RGL1: variants seen among roughly 807,000 people sequenced by gnomAD.
The protein encoded by RGL1 is ral guanine nucleotide dissociation stimulator like 1, also known as ral guanine nucleotide dissociation stimulator-like 1.
A neutral mutation model predicts 95.2 loss-of-function variants in RGL1; 24 were observed. The ratio of observed to expected loss-of-function variants is 0.25; its 90% CI spans 0.18 to 0.35. The LOEUF (loss-of-function observed/expected upper bound fraction) is 0.35, where lower values mean the gene tolerates loss of function less well. Ranked by LOEUF, RGL1 falls within the 10% of genes least tolerant of loss-of-function variation. The pLI is 1.00. For synonymous variants in RGL1, 329 were observed against 344.9 expected (o/e 0.95, Z 0.51); for missense variants, 715 against 936.3 (o/e 0.76, Z 3.08).
chr1:183,834,433 G>A (rs562685944), intron 2 of RGL1, among the ~76,000 whole-genome samples: 15 of 152,086 alleles, frequency 9.9e-5, no homozygotes, highest in African/African-American at 3.4e-4. Context: ...CTAAGGTTGC[G>A]AGAGGCCTTA....
rs149450683 is a variant in RGL1, at chr1:183,908,919, G to A, written c.1562+1818G>A. Among the ~76,000 whole-genome samples the A allele has an allele frequency of 2.8e-3, 429 of 152,314 alleles. 4 individuals are homozygous for A. Among genetic ancestry groups the A allele is most frequent in the Admixed American group, 3.9e-3 (60 of 15,312 alleles). ...TCCTCTCCAAGCCCGGGATCTATAT[G>A]TTTTGTGGTGGGAGTTCTAATACCC... On this transcript the variant is annotated intron_variant, in intron 14 of 17. Coordinates refer to ENST00000360851, the MANE Select transcript of RGL1 (RefSeq NM_001297671.3).
chr1:183,768,447 T>C (rs1287423592), intron 2 of RGL1, among the ~76,000 whole-genome samples: 2 of 147,002 alleles, frequency 1.4e-5, no homozygotes, highest in Non-Finnish European at 3.0e-5. Flanking sequence ...TAATTTGAAC[T>C]AACCTTTAGA....
At chr1:183,777,083 A>C (rs1220772479) in intron 2 of RGL1, among the ~76,000 whole-genome samples, 1 of 152,220 alleles carries the variant, frequency 6.6e-6, no homozygotes, top group Non-Finnish European at 1.5e-5. Context: ...AGCTGTCCTG[A>C]GCCAAAGTGT....
At chr1:183,681,826 A>T (rs1301528120) in intron 1 of RGL1, among the ~76,000 whole-genome samples, 1 of 152,128 alleles carries the variant, frequency 6.6e-6, no homozygotes, top group East Asian at 1.9e-4. Flanking sequence ...TGGTTGGTAG[A>T]CTATTAATTA....
chr1:183,878,146 TTCTTTCTATCTA>T (rs1329297417), intron 4 of RGL1, among the ~76,000 whole-genome samples: 2,128 of 97,364 alleles, frequency 0.022, 25 homozygotes, highest in Non-Finnish European at 0.029. Flanking sequence ...CATGTTGATT[TTCTTTCTATCTA>T]TCTATCTATC....
chr1:183,704,226 C>T (rs1206063367), intron 1 of RGL1, among the ~76,000 whole-genome samples: 5 of 152,294 alleles, frequency 3.3e-5, no homozygotes, highest in East Asian at 3.9e-4. Flanking sequence ...CTGTGGGAGC[C>T]TGGCAGCTTG....
At chr1:183,743,382 A>G (rs1332160042) in intron 2 of RGL1, among the ~76,000 whole-genome samples, 1 of 152,214 alleles carries the variant, frequency 6.6e-6, no homozygotes, top group East Asian at 1.9e-4. Context: ...AACAACTAAG[A>G]TAGCATAGAA....
chr1:183,912,344 C>G, intron 15 of RGL1, 76 bp downstream of exon 15: 1 of 1,239,002 alleles, frequency 8.1e-7, no homozygotes. Context: ...CAAGGAATGT[C>G]TGTTTTTAAG....
chr1:183,702,809 C>T (rs1654680815), intron 1 of RGL1, among the ~76,000 whole-genome samples: 1 of 152,204 alleles, frequency 6.6e-6, no homozygotes, highest in Non-Finnish European at 1.5e-5. Context: ...CCTGAAAGCG[C>T]ACCAACGAAC....
intron 1 of RGL1, among the ~76,000 whole-genome samples, chr1:183,669,059 C>T (rs757954154): frequency 1.3e-5 from 2 of 151,518 alleles, no homozygotes; most frequent in Admixed American, 6.6e-5. Context: ...TCTCCTGCCT[C>T]AGTCTCCCAA....
chr1:183,837,874 G>A (rs1002088995), intron 2 of RGL1, among the ~76,000 whole-genome samples: 4 of 152,112 alleles, frequency 2.6e-5, no homozygotes, highest in Non-Finnish European at 4.4e-5. Context: ...TAGGTCCCTC[G>A]CATGTGCAGT....
intron 14 of RGL1, among the ~76,000 whole-genome samples, chr1:183,911,871 A>C (rs764483665): frequency 8.5e-5 from 13 of 152,240 alleles, no homozygotes; most frequent in Non-Finnish European, 1.9e-4. Context: ...TGAATAATCT[A>C]TGTGTTCTTT....
intron 1 of RGL1, among the ~76,000 whole-genome samples, chr1:183,658,094 G>A (rs1050408009): frequency 5.3e-5 from 8 of 152,202 alleles, no homozygotes; most frequent in Admixed American, 3.9e-4. Context: ...TGGCCGAATA[G>A]GAACAGCTCC....
intron 1 of RGL1, among the ~76,000 whole-genome samples, chr1:183,674,223 A>T (rs370901895): frequency 6.6e-6 from 1 of 152,238 alleles, no homozygotes. Flanking sequence ...CTAACTTTAT[A>T]TGTCATTAAA....
intron 1 of RGL1, among the ~76,000 whole-genome samples, chr1:183,715,418 A>T (rs1289769511): frequency 6.6e-6 from 1 of 152,138 alleles, no homozygotes; most frequent in East Asian, 1.9e-4. Flanking sequence ...ACTGATTGTT[A>T]TATAGATTTT....
chr1:183,812,167 T>A (rs1232343936), intron 2 of RGL1, among the ~76,000 whole-genome samples: 1 of 152,234 alleles, frequency 6.6e-6, no homozygotes, highest in East Asian at 1.9e-4. Flanking sequence ...AACATTCTAA[T>A]TTGTACCATC....
chr1:183,664,907 T>G (rs1383087688), intron 1 of RGL1, among the ~76,000 whole-genome samples: 3 of 152,160 alleles, frequency 2.0e-5, no homozygotes, highest in Non-Finnish European at 4.4e-5. Flanking sequence ...AGCTAGGATT[T>G]CCAGTACAAT....
rs771373746 is a variant in RGL1 at position 183,866,022 on chromosome 1, G to A, written c.374G>A (p.Cys125Tyr). 7.4e-6 allele frequency: 12 copies of A among 1,613,858 alleles called. No individual in the cohort carries two copies. The highest frequency in any genetic ancestry group is 1.3e-5 in the African/African-American group (1 of 74,930). ...DRYGNLTSPN[C>Y]EEDGSQSSSE... ...TATGGAAACCTGACAAGCCCAAACTGTGAAGAAGATGGAAGCCAAAGTTCA... is the reference window on the plus strand; with the variant it reads ...TATGGAAACCTGACAAGCCCAAACTATGAAGAAGATGGAAGCCAAAGTTCA... Residue 125 changes from cysteine (C) to tyrosine (Y), a missense_variant, in exon 4 of 18, where the codon TGT (cysteine) becomes TAT (tyrosine). By Grantham distance (194) the Cys-to-Tyr change is radical. Around this residue, in one of 3 missense-constraint regions of RGL1, gnomAD observed 381 missense variants for 484.8 expected, o/e 0.79. Coordinates refer to ENST00000360851, the MANE Select transcript of RGL1 (RefSeq NM_001297671.3).
At chr1:183,832,341 G>A (rs1663318455) in intron 2 of RGL1, among the ~76,000 whole-genome samples, 1 of 152,204 alleles carries the variant, frequency 6.6e-6, no homozygotes. Flanking sequence ...ATTTCCTTAT[G>A]TATGTGTTAA....
Sources: gnomAD v4.1 joint callset for allele counts (sites outside exome capture counted in the v4.1 genomes callset) on GRCh38, gnomAD v4.1.1 for gene constraint, gnomAD v4.1.1 regional missense constraint, MANE v1.5 for transcripts, NCBI Gene and HGNC (gene_info 2026-07-23, HGNC 2026-07-21) for gene names.